Variants in MMS22L observed in about 807,000 individuals in gnomAD.
The protein encoded by MMS22L is MMS22 like, DNA repair protein.
Under a neutral mutation model 159.1 loss-of-function variants are expected in MMS22L, and 74 were observed. That is an observed-to-expected ratio of 0.47 (90% CI 0.39 to 0.56). The LOEUF is 0.56. Ranked by LOEUF, MMS22L falls within the 20% of genes least tolerant of loss-of-function variation. The pLI is 0.00. For synonymous variants in MMS22L, 517 were observed against 506.9 expected (o/e 1.02, Z -0.27); for missense variants, 1,351 against 1,422.1 (o/e 0.95, Z 0.80).
At chr6:97,270,181 G>A (rs1815574495) in intron 6 of MMS22L, 189 bp from the exon 7 acceptor site, 3 of 637,614 alleles carry the variant, frequency 4.7e-6, no homozygotes, top group South Asian at 3.4e-5. Flanking sequence ...TTTGAAAGCA[G>A]GAAATATTTT....
At chr6:97,173,415 T>C (rs189903314) in intron 18 of MMS22L, among the ~76,000 whole-genome samples, 193 bp from the exon 19 acceptor site, 210 of 152,252 alleles carry the variant, frequency 1.4e-3, no homozygotes, top group Non-Finnish European at 2.2e-3. Flanking sequence ...TTGTCTTTTA[T>C]TATTAAAATA....
intron 14 of MMS22L, among the ~76,000 whole-genome samples, chr6:97,196,703 C>T (rs372895878): frequency 4.6e-5 from 7 of 152,062 alleles, no homozygotes; most frequent in African/African-American, 9.7e-5. Flanking sequence ...TATATTTATA[C>T]ATTTAAACAT....
chr6:97,185,764 A>C (rs1346275626), intron 15 of MMS22L, among the ~76,000 whole-genome samples: 2 of 152,142 alleles, frequency 1.3e-5, no homozygotes, highest in African/African-American at 2.4e-5. Flanking sequence ...TAGGTTTTTA[A>C]AACTATTATT....
intron 11 of MMS22L, chr6:97,246,045 T>G: frequency 1.2e-5 from 3 of 250,082 alleles, no homozygotes. Context: ...TTACAAAACT[T>G]TACAGGGCTT....
chr6:97,266,544 C>T (rs1815137920), intron 8 of MMS22L: 1 of 152,164 alleles, frequency 6.6e-6, no homozygotes, highest in South Asian at 2.1e-4. Context: ...ATTTATTGTA[C>T]TTAAACTTTT....
At chr6:97,156,556 A>G (rs1461062942) in intron 22 of MMS22L, among the ~76,000 whole-genome samples, 2 of 152,138 alleles carry the variant, frequency 1.3e-5, no homozygotes, top group African/African-American at 2.4e-5. Context: ...TTTTCCCAGC[A>G]CCATTTATTC....
chr6:97,197,048 G>T (rs1424223276), intron 14 of MMS22L, among the ~76,000 whole-genome samples: 1 of 151,762 alleles, frequency 6.6e-6, no homozygotes, highest in African/African-American at 2.4e-5. Flanking sequence ...TAGTCCTGAA[G>T]TTAACACACA....
In MMS22L at chr6:97,254,571, C is replaced by A; in HGVS notation, c.1105G>T (p.Val369Leu). Residue 369 changes from valine to leucine, a missense_variant, in exon 10 of 25, where the codon GTA (valine) becomes TTA (leucine). Physicochemically the swap from Val to Leu is conservative, Grantham distance 32. Transcript: ENST00000683635. Reference protein sequence around the residue: ...ASFYKFDRHGVPDEMRKVESN... With the variant: ...ASFYKFDRHGLPDEMRKVESN... The stretch of plus-strand genomic sequence containing the variant: ...TGAAGTCTTACCATTTCATCTGGTA[C>A]TCCATGGCGATCAAACTTGTAAAAT... 1 of 1,613,170 alleles carries A rather than the reference C, an allele frequency of 6.2e-7. No individual in the cohort carries two copies. Among genetic ancestry groups the A allele is most frequent in the Non-Finnish European group, 8.5e-7 (1 of 1,179,602 alleles).
chr6:97,250,886 G>C (rs1813167351), intron 10 of MMS22L, among the ~76,000 whole-genome samples: 1 of 152,052 alleles, frequency 6.6e-6, no homozygotes, highest in Non-Finnish European at 1.5e-5. Context: ...TCTCACTCCA[G>C]ATTACTTGTT....
chr6:97,277,616 T>A (rs894310338), intron 4 of MMS22L, among the ~76,000 whole-genome samples: 8 of 151,968 alleles, frequency 5.3e-5, no homozygotes, highest in African/African-American at 1.9e-4. Context: ...GGACAATACT[T>A]TTTTACTAAT....
chr6:97,205,323 T>TG (rs1356989037), intron 14 of MMS22L, among the ~76,000 whole-genome samples: 5 of 152,086 alleles, frequency 3.3e-5, no homozygotes, highest in African/African-American at 4.8e-5. Context: ...TGCCTACAGA[T>TG]GCAATGTCTA....
At chr6:97,174,824 G>A (rs574076012) in intron 18 of MMS22L, among the ~76,000 whole-genome samples, 1 of 152,154 alleles carries the variant, frequency 6.6e-6, no homozygotes, top group Non-Finnish European at 1.5e-5. Context: ...AGTCATCCAT[G>A]GTGACATTAA....
At chr6:97,259,127 T>G (rs1024821917) in intron 9 of MMS22L, 1 of 152,266 alleles carries the variant, frequency 6.6e-6, no homozygotes, top group East Asian at 1.9e-4. Flanking sequence ...CACACACACA[T>G]TGCCTTTTTC....
intron 14 of MMS22L, among the ~76,000 whole-genome samples, chr6:97,193,234 C>T (rs1806079972): frequency 6.6e-6 from 1 of 152,030 alleles, no homozygotes; most frequent in Non-Finnish European, 1.5e-5. Flanking sequence ...TCCTATGCTC[C>T]AAAATTGACT....
At chr6:97,203,734 A>C (rs1197667205) in intron 14 of MMS22L, among the ~76,000 whole-genome samples, 1 of 152,166 alleles carries the variant, frequency 6.6e-6, no homozygotes, top group Non-Finnish European at 1.5e-5. Context: ...TGGGACAATC[A>C]ATGAATTTCT....
intron 4 of MMS22L, among the ~76,000 whole-genome samples, chr6:97,278,264 G>C (rs1266671073): frequency 6.6e-6 from 1 of 151,968 alleles, no homozygotes; most frequent in Non-Finnish European, 1.5e-5. Flanking sequence ...TTAGCTGGGG[G>C]TGGTGGCAGG....
chr6:97,282,777 G>GC (rs766991179), intron 1 of MMS22L, among the ~76,000 whole-genome samples: 62 of 152,306 alleles, frequency 4.1e-4, no homozygotes, highest in East Asian at 2.1e-3. Flanking sequence ...GGGCTCTGCA[G>GC]CCCAGGACAA....
At chr6:97,184,077 GCTCTTT>G (rs1386483191) in intron 15 of MMS22L, among the ~76,000 whole-genome samples, 1 of 152,016 alleles carries the variant, frequency 6.6e-6, no homozygotes, top group Non-Finnish European at 1.5e-5. Context: ...CATACAAACT[GCTCTTT>G]CAGGTCACCA....
chr6:97,278,357 G>A lies in MMS22L; in HGVS notation c.340+492C>T, dbSNP rs180769499. ...GGCAGAGGTTACAGTGAGCTGAGATGGCACCTTTGCACTCCAGCCTGGACA... is the reference window on the plus strand; with the variant it reads ...GGCAGAGGTTACAGTGAGCTGAGATAGCACCTTTGCACTCCAGCCTGGACA... On this transcript the variant is annotated intron_variant, in intron 4 of 24. Coordinates refer to ENST00000683635, the MANE Select transcript of MMS22L (RefSeq NM_001350599.2). Among the ~76,000 whole-genome samples, 124 of 150,810 alleles carry A rather than the reference G, an allele frequency of 8.2e-4. 1 individual carries two copies. Among genetic ancestry groups the A allele is most frequent in the African/African-American group, 2.8e-3 (115 of 40,994 alleles).
Sources: gnomAD v4.1 joint callset for allele counts (sites outside exome capture counted in the v4.1 genomes callset) on GRCh38, gnomAD v4.1.1 for gene constraint, MANE v1.5 for transcripts, NCBI Gene and HGNC (gene_info 2026-07-23, HGNC 2026-07-21) for gene names.